Variants in LASP1 observed in about 807,000 individuals in gnomAD.
The protein encoded by LASP1 is LIM and SH3 protein 1, also known as LIM and SH3 domain protein 1.
A neutral mutation model predicts 38.6 loss-of-function variants in LASP1; 10 were observed. The ratio of observed to expected loss-of-function variants is 0.26; its 90% CI spans 0.16 to 0.44. LASP1 has a LOEUF of 0.44. Ranked by LOEUF, LASP1 falls within the 20% of genes least tolerant of loss-of-function variation. The pLI, the probability that LASP1 is intolerant of heterozygous loss-of-function variation, is 1.00. For synonymous variants in LASP1, 132 were observed against 140.8 expected, an observed-to-expected ratio of 0.94 and a Z score of 0.44; for missense variants, 243 against 375.7, an observed-to-expected ratio of 0.65 and a Z score of 2.92.
intron 2 of LASP1, among the ~76,000 whole-genome samples, chr17:38,884,975 C>T (rs1368887940): frequency 6.6e-6 from 1 of 152,130 alleles, no homozygotes; most frequent in Middle Eastern, 3.2e-3. Flanking sequence ...TCGTGCCCGA[C>T]CTGTATCATA....
intron 1 of LASP1, among the ~76,000 whole-genome samples, chr17:38,873,160 G>T (rs914509602): frequency 1.1e-4 from 16 of 152,120 alleles, no homozygotes; most frequent in Admixed American, 6.6e-5. Context: ...TAGAGGATTG[G>T]TCTGCTGCCA....
chr17:38,910,650 T>C (rs1489761953), intron 4 of LASP1, among the ~76,000 whole-genome samples: 1 of 151,884 alleles, frequency 6.6e-6, no homozygotes, highest in Non-Finnish European at 1.5e-5. Context: ...CCAGCCCTGA[T>C]TTTGTAGATT....
intron 2 of LASP1, among the ~76,000 whole-genome samples, chr17:38,887,214 C>T (rs1914166519): frequency 6.6e-6 from 1 of 152,128 alleles, no homozygotes; most frequent in South Asian, 2.1e-4. Context: ...GTCTCCTCTC[C>T]CCCACCCTGC....
chr17:38,895,536 G>A (rs1914463009), intron 3 of LASP1, among the ~76,000 whole-genome samples: 1 of 151,694 alleles, frequency 6.6e-6, no homozygotes, highest in African/African-American at 2.4e-5. Flanking sequence ...GGCTGGTCAT[G>A]AACTCCTGAC....
intron 2 of LASP1, among the ~76,000 whole-genome samples, chr17:38,888,280 G>A (rs1009837008): frequency 5.3e-5 from 8 of 151,440 alleles, no homozygotes; most frequent in African/African-American, 9.7e-5. Flanking sequence ...AATTCCTGGC[G>A]TGACTTTTTT....
chr17:38,890,066 T>C (rs547934460), intron 2 of LASP1, among the ~76,000 whole-genome samples: 19 of 152,330 alleles, frequency 1.2e-4, no homozygotes, highest in African/African-American at 4.6e-4. Context: ...CCGGGCCCAG[T>C]TGCCTCGACC....
rs780162081 is a variant in LASP1 at position 38,898,473 on chromosome 17, C to T, written c.311C>T (p.Thr104Met). The T allele has an allele frequency of 6.4e-6, 10 of 1,551,488 alleles. No homozygotes were observed. In the East Asian group the frequency reaches 9.8e-5, roughly 15 times the overall value. ...AAAGGTTTCAGCGTAGTGGCAGACA[C>T]GCCCGAGCTCCAGAGAATCAAGAAG... ...KGKGFSVVAD[T>M]PELQRIKKTQ... The change falls in exon 4 of 7, where the codon ACG becomes ATG. Residue 104 changes from threonine to methionine, a missense_variant. By Grantham distance (81) the Thr-to-Met change is moderately conservative. This residue lies in a region of LASP1 where 33 missense variants were observed against 39.8 expected (regional missense o/e 0.83). Transcript: ENST00000318008.
chr17:38,892,785 C>G (rs1360137842), intron 3 of LASP1, among the ~76,000 whole-genome samples: 1 of 152,222 alleles, frequency 6.6e-6, no homozygotes, highest in African/African-American at 2.4e-5. Flanking sequence ...CTTCTGCCCC[C>G]CACAGGGGAA....
chr17:38,920,095 C>A lies in LASP1; in HGVS notation c.*1317C>A, dbSNP rs919883202. The A allele has an allele frequency of 1.5e-5, 8 of 536,808 alleles. No individual in the cohort carries two copies. Among genetic ancestry groups the A allele is most frequent in the African/African-American group, 1.5e-4 (8 of 53,948 alleles). 33.3% of individuals were successfully genotyped at this position (536,808 alleles called of 1,614,324 possible). On this transcript the variant is annotated 3_prime_UTR_variant, in exon 7 of 7. Transcript: ENST00000318008. Reference sequence around the variant, plus strand: ...CTCTGAGTGGAGGAAGCCCACCAATCTGCCCTTTGCAGTGTGCAGGGTGGA... The same window carrying A: ...CTCTGAGTGGAGGAAGCCCACCAATATGCCCTTTGCAGTGTGCAGGGTGGA...
At chr17:38,890,903 G>A (rs758967) in intron 3 of LASP1, among the ~76,000 whole-genome samples, 15 of 152,166 alleles carry the variant, frequency 9.9e-5, no homozygotes, top group South Asian at 2.1e-4. Flanking sequence ...CTCTATAGCC[G>A]CGTCCCAAAC....
intron 6 of LASP1, among the ~76,000 whole-genome samples, chr17:38,917,059 C>T (rs1360347463): frequency 6.6e-6 from 1 of 152,042 alleles, no homozygotes. Flanking sequence ...GACTTGTGGG[C>T]CCCAGGAAGG....
At chr17:38,913,565 C>T (rs531362224) in intron 4 of LASP1, among the ~76,000 whole-genome samples, 2 of 152,298 alleles carry the variant, frequency 1.3e-5, no homozygotes, top group South Asian at 2.1e-4. Flanking sequence ...CCCTCAGGGG[C>T]GCTGACGAGC....
intron 3 of LASP1, among the ~76,000 whole-genome samples, chr17:38,892,588 AC>A (rs1914365663): frequency 6.8e-6 from 1 of 147,166 alleles, no homozygotes; most frequent in Admixed American, 6.7e-5. Context: ...ACACACACAC[AC>A]ACCCTTCTCA....
At chr17:38,871,598 T>C (rs369718237) in intron 1 of LASP1, among the ~76,000 whole-genome samples, 2 of 152,186 alleles carry the variant, frequency 1.3e-5, no homozygotes, top group African/African-American at 4.8e-5. Flanking sequence ...GAGGATAGTT[T>C]ATTGGACACC....
At chr17:38,889,015 C>A (rs1343882808) in intron 2 of LASP1, among the ~76,000 whole-genome samples, 3 of 152,256 alleles carry the variant, frequency 2.0e-5, no homozygotes, top group Admixed American at 2.0e-4. Context: ...GTTCTCCCAT[C>A]TGTCAAAGGG....
Position 38,918,923 on chromosome 17 carries a change from C to A in LASP1, c.*145C>A. The A allele has an allele frequency of 1.1e-6, 1 of 912,416 alleles. No individual in the cohort carries two copies. The highest frequency in any genetic ancestry group is 1.6e-6 in the Non-Finnish European group (1 of 613,168). The allele number at this position is 912,416 out of a possible 1,614,324, so 56.5% of individuals were successfully genotyped here. On this transcript the variant is annotated 3_prime_UTR_variant, in exon 7 of 7. Coordinates refer to ENST00000318008, the MANE Select transcript of LASP1 (RefSeq NM_006148.4). The surrounding 1 kb of genome is among the most constrained non-coding windows in gnomAD (Gnocchi z 4.4). ...CCCCTCTTCCAGCTTCTTTTGCCAA[C>A]TGAAGCCTTCTTCTGCCACTTCTGC... is the stretch of plus-strand genomic sequence containing the variant.
At chr17:38,882,537 T>G (rs1913984906) in intron 2 of LASP1, among the ~76,000 whole-genome samples, 1 of 152,172 alleles carries the variant, frequency 6.6e-6, no homozygotes, top group South Asian at 2.1e-4. Flanking sequence ...CATGAGCCAC[T>G]GCCCGGCCCG....
intron 3 of LASP1, chr17:38,897,026 C>A: frequency 1.0e-5 from 10 of 985,468 alleles, no homozygotes; most frequent in Non-Finnish European, 1.2e-5. Flanking sequence ...CTAAGAGTCA[C>A]CGTGCTGGCC....
At chr17:38,896,514 C>A (rs1476498397) in intron 3 of LASP1, among the ~76,000 whole-genome samples, 1 of 152,242 alleles carries the variant, frequency 6.6e-6, no homozygotes, top group Non-Finnish European at 1.5e-5. Flanking sequence ...TGGGAACCTG[C>A]TGATGTCATT....
Sources: gnomAD v4.1 joint callset for allele counts (sites outside exome capture counted in the v4.1 genomes callset) on GRCh38, gnomAD v4.1.1 for gene constraint, gnomAD v4.1.1 regional missense constraint, Gnocchi (gnomAD v3.1) non-coding constraint, MANE v1.5 for transcripts, NCBI Gene and HGNC (gene_info 2026-07-23, HGNC 2026-07-21) for gene names.